CNTN1: variants seen among roughly 807,000 people sequenced by gnomAD.
CNTN1 encodes contactin-1.
A neutral mutation model predicts 126.4 loss-of-function variants in CNTN1; 38 were observed. The observed-to-expected ratio is 0.30, with a 90% CI of 0.23 to 0.39. The LOEUF (loss-of-function observed/expected upper bound fraction) is 0.39, where lower values mean the gene tolerates loss of function less well. Ranked by LOEUF, CNTN1 falls within the 10% of genes least tolerant of loss-of-function variation. The pLI, the probability that CNTN1 is intolerant of heterozygous loss-of-function variation, is 1.00. For synonymous variants in CNTN1, 413 were observed against 422.6 expected (o/e 0.98, Z 0.28); for missense variants, 1,009 against 1,248.4 (o/e 0.81, Z 2.89).
intron 23 of CNTN1, among the ~76,000 whole-genome samples, chr12:41,040,345 T>C (rs1317994573): frequency 2.6e-5 from 4 of 152,132 alleles, no homozygotes; most frequent in Middle Eastern, 3.2e-3. Flanking sequence ...TGAAGAGTAT[T>C]AGCAAAGAAG....
chr12:40,930,094 G>A, intron 7 of CNTN1, 92 bp downstream of exon 7: 3 of 1,075,610 alleles, frequency 2.8e-6, no homozygotes, highest in Non-Finnish European at 4.3e-6. Context: ...GTGAAGACTA[G>A]CTGACTTTTC....
chr12:40,925,313 A>G (rs1052941499), intron 6 of CNTN1, among the ~76,000 whole-genome samples: 3 of 151,850 alleles, frequency 2.0e-5, no homozygotes, highest in African/African-American at 4.8e-5. Context: ...ATATATAAAT[A>G]CCTGTTTTCA....
At chr12:41,032,390 GA>G (rs67561949) in intron 23 of CNTN1, among the ~76,000 whole-genome samples, 88,300 of 147,954 alleles carry the variant, frequency 0.6, 28,098 homozygotes, top group African/African-American at 0.83. Context: ...AAAAGAAAAA[GA>G]AAAAAAAGAA....
intron 1 of CNTN1, among the ~76,000 whole-genome samples, chr12:40,820,073 A>G (rs764070138): frequency 3.3e-5 from 5 of 152,220 alleles, no homozygotes; most frequent in Non-Finnish European, 5.9e-5. Context: ...TATAAGAAGC[A>G]TGGCACTAGC....
At chr12:40,729,816 T>G in intron 1 of CNTN1, 1 of 197,834 alleles carries the variant, frequency 5.1e-6, no homozygotes, top group South Asian at 1.1e-4. Flanking sequence ...GGTTCCACTA[T>G]TCCTTGCTGG....
intron 1 of CNTN1, among the ~76,000 whole-genome samples, chr12:40,809,845 CACACAA>C (rs1342762182): frequency 7.8e-6 from 1 of 128,636 alleles, no homozygotes; most frequent in African/African-American, 2.8e-5. Flanking sequence ...CACACACACA[CACACAA>C]AAGTCAAAAC....
chr12:41,011,570 C>T (rs1250319627), intron 17 of CNTN1, among the ~76,000 whole-genome samples: 1 of 152,182 alleles, frequency 6.6e-6, no homozygotes, highest in Non-Finnish European at 1.5e-5. Flanking sequence ...CCCATGGTTG[C>T]AGGTGTGGCT....
chr12:40,863,909 G>A (rs1409378451), intron 1 of CNTN1, among the ~76,000 whole-genome samples: 2 of 132,818 alleles, frequency 1.5e-5, no homozygotes, highest in African/African-American at 3.6e-5. Context: ...GATCTGGACC[G>A]ACCTTCCTTC....
intron 1 of CNTN1, among the ~76,000 whole-genome samples, chr12:40,868,630 C>G (rs1223313874): frequency 6.6e-6 from 1 of 152,090 alleles, no homozygotes; most frequent in East Asian, 1.9e-4. Flanking sequence ...AAAAATTGCC[C>G]TCTTTGCTCC....
chr12:40,902,212 C>T (rs1944633694), intron 1 of CNTN1, among the ~76,000 whole-genome samples: 2 of 152,170 alleles, frequency 1.3e-5, no homozygotes, highest in African/African-American at 4.8e-5. Flanking sequence ...TATCCATATA[C>T]ATGCATTACC....
rs187895670 is a variant in CNTN1 at position 40,888,322 on chromosome 12, G to A, written c.-76-20035G>A. On this transcript the variant is annotated intron_variant, in intron 1 of 23. Coordinates refer to ENST00000551295, the MANE Select transcript of CNTN1 (RefSeq NM_001843.4). The stretch of plus-strand genomic sequence containing the variant: ...GATAGTGTTACCCATTTCCTTATAC[G>A]TGTACTTTATATATATTTCTAATTA... Among the ~76,000 whole-genome samples the A allele has an allele frequency of 4.3e-3, 660 of 151,880 alleles. 3 individuals are homozygous for A. The highest frequency in any genetic ancestry group is 0.015 in the African/African-American group (615 of 41,418).
At chr12:41,019,424 G>A (rs12301437) in intron 19 of CNTN1, among the ~76,000 whole-genome samples, 1 of 151,870 alleles carries the variant, frequency 6.6e-6, no homozygotes, top group Non-Finnish European at 1.5e-5. Context: ...ACTTGTATAA[G>A]TGTTAATCTC....
intron 23 of CNTN1, among the ~76,000 whole-genome samples, chr12:41,029,665 T>C (rs1949102925): frequency 6.6e-6 from 1 of 152,162 alleles, no homozygotes; most frequent in African/African-American, 2.4e-5. Context: ...TATATAATAC[T>C]AGGCTATTAT....
At position 40,707,255 on chromosome 12, in the gene CNTN1, T is replaced by C. The variant is rs1369435451; in HGVS notation, c.-77+14663T>C. 1.0e-4 allele frequency among the ~76,000 whole-genome samples: 11 copies of C among 105,652 alleles called. 1 individual carries two copies. Among genetic ancestry groups the C allele is most frequent in the Non-Finnish European group, 2.2e-4 (11 of 50,356 alleles). 69.3% of individuals were successfully genotyped at this position (105,652 alleles called of 152,430 possible). ...TTTTTTTTTTTTTTTTTTTTTTTTT[T>C]TTTTTTTTTTTGAGACGGAGTCTCG... On this transcript the variant is annotated intron_variant, in intron 1 of 23. Coordinates refer to ENST00000551295, the MANE Select transcript of CNTN1 (RefSeq NM_001843.4).
At chr12:40,850,872 C>T (rs556975872) in intron 1 of CNTN1, among the ~76,000 whole-genome samples, 47 of 152,162 alleles carry the variant, frequency 3.1e-4, no homozygotes, top group African/African-American at 1.1e-3. Flanking sequence ...TATTCTTTTT[C>T]ATTTTGAAAT....
At chr12:40,866,692 A>C (rs1327060119) in intron 1 of CNTN1, among the ~76,000 whole-genome samples, 1 of 152,106 alleles carries the variant, frequency 6.6e-6, no homozygotes, top group East Asian at 1.9e-4. Context: ...CTTTTTACCT[A>C]TCTAGCCAGA....
Position 40,918,728 on chromosome 12 carries a change from T to C in CNTN1, c.184T>C (p.Ser62Pro), listed in dbSNP as rs1477303120. 2 of 1,613,780 alleles carry C rather than the reference T, an allele frequency of 1.2e-6. No individual in the cohort carries two copies. Among genetic ancestry groups the C allele is most frequent in the East Asian group, 4.5e-5 (2 of 44,870 alleles). Residue 62 changes from serine (S) to proline (P), a missense_variant, in exon 4 of 24, where the codon TCA (serine) becomes CCA (proline). Physicochemically the swap from Ser to Pro is moderately conservative, Grantham distance 74. Transcript: ENST00000551295. The part of the protein sequence containing the change: ...YPEESLEGKV[S>P]LNCRARASPF... Reference sequence around the variant, plus strand: ...AGAGGAATCACTGGAAGGAAAAGTCTCACTCAACTGTAGGGCACGAGCCAG... The same window carrying C: ...AGAGGAATCACTGGAAGGAAAAGTCCCACTCAACTGTAGGGCACGAGCCAG...
intron 1 of CNTN1, among the ~76,000 whole-genome samples, chr12:40,874,845 A>G (rs1330170012): frequency 2.0e-5 from 3 of 152,226 alleles, no homozygotes; most frequent in Non-Finnish European, 4.4e-5. Context: ...TTCTCAGGCA[A>G]TGATTTACAT....
chr12:40,965,997 ACCACACAC>A (rs1353658034), intron 15 of CNTN1, among the ~76,000 whole-genome samples: 134 of 119,968 alleles, frequency 1.1e-3, no homozygotes, highest in African/African-American at 3.8e-3. Flanking sequence ...ACCTCATCAC[ACCACACAC>A]ACACACACAC....
Sources: allele counts gnomAD v4.1 joint callset (sites outside exome capture counted in the v4.1 genomes callset), GRCh38; gene constraint gnomAD v4.1.1; transcripts MANE v1.5; gene names NCBI Gene and HGNC (gene_info 2026-07-23, HGNC 2026-07-21).